The following HMCN2 variants were observed in gnomAD, a reference collection of about 807,000 sequenced individuals.
The protein encoded by HMCN2 is hemicentin 2.
HMCN2 carries 325 observed loss-of-function variants against 377.5 expected under a neutral mutation model. The ratio of observed to expected loss-of-function variants is 0.86; its 90% CI spans 0.79 to 0.94. The LOEUF is 0.94. Ranked by LOEUF, HMCN2 falls within the 40% of genes least tolerant of loss-of-function variation. The pLI is 0.00. For missense variants in HMCN2, 4,543 were observed against 4,725.3 expected, an observed-to-expected ratio of 0.96 and a Z score of 1.13; for synonymous variants, 2,007 against 2,046.8, an observed-to-expected ratio of 0.98 and a Z score of 0.53.
At chr9:130,310,942 A>T (rs1028900702) in intron 15 of HMCN2, among the ~76,000 whole-genome samples, 2 of 152,186 alleles carry the variant, frequency 1.3e-5, no homozygotes, top group African/African-American at 4.8e-5. Context: ...GGTTGGGCCC[A>T]TAGTGATTGC....
Position 130,331,156 on chromosome 9 carries a change from TAA to T in HMCN2, c.3359+3695_3359+3696del, listed in dbSNP as rs878935592. On this transcript the variant is annotated intron_variant, in intron 22 of 97. Coordinates refer to ENST00000683500, the MANE Select transcript of HMCN2 (RefSeq NM_001291815.2). ...CTTGCAACAGAGCAAGACTCTGTCT[TAA>T]AAAAAAAAAAAAAGGACAAAGTAAC... Among the ~76,000 whole-genome samples the T allele has an allele frequency of 6.2e-3, 859 of 139,208 alleles. 12 individuals carry two copies. Among genetic ancestry groups the T allele is most frequent in the African/African-American group, 0.021 (779 of 37,868 alleles). 91.3% of individuals were successfully genotyped at this position (139,208 alleles called of 152,430 possible). A position where few individuals can be genotyped will look rare whatever the true frequency, so the allele number is the denominator to read the frequency against.
intron 54 of HMCN2, among the ~76,000 whole-genome samples, 164 bp from the exon 55 acceptor site, chr9:130,382,020 C>T (rs1841749270): frequency 1.3e-5 from 2 of 152,128 alleles, no homozygotes; most frequent in African/African-American, 2.4e-5. Flanking sequence ...GACTTGACTC[C>T]ACTCCACCCG....
intron 94 of HMCN2, 47 bp downstream of exon 94, chr9:130,429,732 G>A: frequency 7.7e-7 from 1 of 1,296,350 alleles, no homozygotes; most frequent in Non-Finnish European, 1.0e-6. Flanking sequence ...GCTGCCCCAG[G>A]GGTTACCGGA....
At chr9:130,274,106 G>T (rs1834548256) in intron 1 of HMCN2, among the ~76,000 whole-genome samples, 1 of 150,884 alleles carries the variant, frequency 6.6e-6, no homozygotes, top group African/African-American at 2.4e-5. Flanking sequence ...AGGCTGGAGT[G>T]CAGTGGTGTG....
chr9:130,318,971 C>T (rs1054867465), intron 15 of HMCN2, among the ~76,000 whole-genome samples: 33 of 152,324 alleles, frequency 2.2e-4, no homozygotes, highest in African/African-American at 7.5e-4. Context: ...CGCCAGGCCC[C>T]CCAGGCCATG....
chr9:130,321,553 G>A (rs1666627274), intron 18 of HMCN2, among the ~76,000 whole-genome samples: 1 of 152,174 alleles, frequency 6.6e-6, no homozygotes, highest in East Asian at 1.9e-4. Flanking sequence ...CGAGGGAGAG[G>A]TGGGGTCAGG....
chr9:130,283,869 A>G (rs1554926614), intron 1 of HMCN2, among the ~76,000 whole-genome samples: 1 of 151,514 alleles, frequency 6.6e-6, no homozygotes. Flanking sequence ...TACAGCTGCT[A>G]TGAACCTTTG....
intron 85 of HMCN2, 33 bp from the exon 86 acceptor site, chr9:130,418,739 A>T: frequency 7.2e-7 from 1 of 1,385,716 alleles, no homozygotes; most frequent in South Asian, 2.0e-5. Context: ...AAAATAATTA[A>T]ATGTTCCTAA....
chr9:130,284,488 T>G (rs753023653), intron 1 of HMCN2, 115 bp from the exon 2 acceptor site: 121 of 429,734 alleles, frequency 2.8e-4, no homozygotes, highest in Non-Finnish European at 5.5e-4. Flanking sequence ...CCCCGTCTTG[T>G]GTGCCAGCCT....
In HMCN2 at chr9:130,384,712, C is replaced by T. The variant is rs934847736; in HGVS notation, c.9020C>T (p.Ala3007Val). The T allele has an allele frequency of 7.7e-7, 1 of 1,302,326 alleles. No homozygotes were observed. Among genetic ancestry groups the T allele is most frequent in the African/African-American group, 1.5e-5 (1 of 65,842 alleles). The allele number at this position is 1,302,326 out of a possible 1,614,324, so 80.7% of individuals were successfully genotyped here. A position where few individuals can be genotyped will look rare whatever the true frequency, so the allele number is the denominator to read the frequency against. ...ACCCACACGCTGCAGCTGGGGAGAG[C>T]ACGGCTGTCGGACTCCGGGATGTAC... Reference protein sequence around the residue: ...PGTHTLQLGRARLSDSGMYTC... With the variant: ...PGTHTLQLGRVRLSDSGMYTC... The change falls in exon 59 of 98, where the codon GCA becomes GTA. Residue 3007 changes from alanine (A) to valine (V), a missense_variant. Around this residue, in one of 5 missense-constraint regions of HMCN2, gnomAD observed 736 missense variants for 773.2 expected, o/e 0.95. Transcript: ENST00000683500.
At chr9:130,417,736 T>C (rs1165393981) in intron 85 of HMCN2, among the ~76,000 whole-genome samples, 1 of 152,154 alleles carries the variant, frequency 6.6e-6, no homozygotes, top group Non-Finnish European at 1.5e-5. Context: ...CACCTTAACT[T>C]TGGCCCAGTG....
At chr9:130,404,466 T>C (rs897154270) in intron 80 of HMCN2, among the ~76,000 whole-genome samples, 1 of 152,184 alleles carries the variant, frequency 6.6e-6, no homozygotes, top group Non-Finnish European at 1.5e-5. Context: ...ACCAAGCCAG[T>C]GACCCTCACT....
At position 130,360,577 on chromosome 9, in the gene HMCN2, G is replaced by A. The variant is rs1588308399; in HGVS notation, c.5923G>A (p.Glu1975Lys). The A allele has an allele frequency of 7.7e-7, 1 of 1,303,456 alleles. No homozygotes were observed. Among genetic ancestry groups the A allele is most frequent in the East Asian group, 5.6e-5 (1 of 18,008 alleles). 80.7% of individuals were successfully genotyped at this position (1,303,456 alleles called of 1,614,324 possible). A position where few individuals can be genotyped will look rare whatever the true frequency, so the allele number is the denominator to read the frequency against. Residue 1975 changes from glutamate (E) to lysine (K), a missense_variant, in exon 38 of 98, where the codon GAG becomes AAG. This residue lies in a region of HMCN2 where 1,032 missense variants were observed against 1,285.1 expected (regional missense o/e 0.80). Coordinates refer to ENST00000683500, the MANE Select transcript of HMCN2 (RefSeq NM_001291815.2). The surrounding 1 kb of genome is among the most constrained non-coding windows in gnomAD (Gnocchi z 4.7). The part of the protein sequence containing the change: ...CVASNVAGST[E>K]LRYGLRVNVP... ...GGCATCCAATGTGGCAGGTAGCACAGAGCTGCGGTATGGCCTACGGGTCAA... is the reference window on the plus strand; with the variant it reads ...GGCATCCAATGTGGCAGGTAGCACAAAGCTGCGGTATGGCCTACGGGTCAA...
At position 130,408,744 on chromosome 9, in the gene HMCN2, G is replaced by C. The variant is rs1843242260; in HGVS notation, c.12690G>C (p.Glu4230Asp). 62 of 1,287,536 alleles carry C rather than the reference G, an allele frequency of 4.8e-5. No homozygotes were observed. The highest frequency in any genetic ancestry group is 6.2e-5 in the Non-Finnish European group (61 of 987,414). The allele number at this position is 1,287,536 out of a possible 1,614,324, so 79.8% of individuals were successfully genotyped here. The change falls in exon 84 of 98, where the codon GAG (glutamate) becomes GAC (aspartate). Residue 4230 changes from glutamate to aspartate, a missense_variant and splice_region_variant. By Grantham distance (45) the Glu-to-Asp change is conservative (BLOSUM62 2). Around this residue, in one of 5 missense-constraint regions of HMCN2, gnomAD observed 1,073 missense variants for 1,319.5 expected, o/e 0.81. Coordinates refer to ENST00000683500, the MANE Select transcript of HMCN2 (RefSeq NM_001291815.2). The stretch of plus-strand genomic sequence containing the variant: ...CTTGCTCGATGTCACCCCATGCAGA[G>C]GCTCCTGTCCTACAAGGGGAGGCTT... ...TQAVSFVHVKEAPVLQGEAFS... is the reference protein window; with the variant it reads ...TQAVSFVHVKDAPVLQGEAFS...
chr9:130,389,722 G>A (rs990989576), intron 62 of HMCN2, among the ~76,000 whole-genome samples: 3 of 151,814 alleles, frequency 2.0e-5, no homozygotes, highest in East Asian at 1.9e-4. Context: ...TTACAGGCTC[G>A]CACCACCACG....
intron 74 of HMCN2, among the ~76,000 whole-genome samples, chr9:130,398,153 C>CAAAAAAAAAAAAA (rs397940740): frequency 1.2e-4 from 4 of 33,936 alleles, no homozygotes; most frequent in Non-Finnish European, 1.7e-4. Context: ...ACTCCGTCTA[C>CAAAAAAAAAAAAA]AAAAAAAAAA....
chr9:130,351,440 G>A lies in HMCN2; in HGVS notation c.4448G>A (p.Gly1483Asp), dbSNP rs1387053783. Reference protein sequence around the residue: ...TKDRQPVLPGGPHLQVQEDGQ... With the variant: ...TKDRQPVLPGDPHLQVQEDGQ... Reference sequence around the variant, plus strand: ...CTCTCCAGGCCTGTCCTTCCGGGAGGCCCTCACCTGCAGGTCCAGGAGGAT... The same window carrying A: ...CTCTCCAGGCCTGTCCTTCCGGGAGACCCTCACCTGCAGGTCCAGGAGGAT... The change falls in exon 30 of 98, where the codon GGC (glycine) becomes GAC (aspartate). Residue 1483 changes from glycine (G) to aspartate (D), a missense_variant. By Grantham distance (94) the Gly-to-Asp change is moderately conservative. Transcript: ENST00000683500. This position sits in a 1 kb window ranked among gnomAD's most constrained non-coding sequence, Gnocchi z 5.4. The A allele has an allele frequency of 3.8e-6, 5 of 1,304,152 alleles. No individual in the cohort carries two copies. In the East Asian group the frequency reaches 2.2e-4, roughly 58 times the overall value. The allele number at this position is 1,304,152 out of a possible 1,614,324, so 80.8% of individuals were successfully genotyped here. A position where few individuals can be genotyped will look rare whatever the true frequency, so the allele number is the denominator to read the frequency against.
Position 130,395,128 on chromosome 9 carries a change from T to C in HMCN2, c.10774+20T>C, listed in dbSNP as rs1037409260. The stretch of plus-strand genomic sequence containing the variant: ...TTCAAGGTAGGTGGTGGGGGTGGGG[T>C]GGGGGCAGGGCCGGGAGGCAGGACG... On this transcript the variant is annotated intron_variant, in intron 70 of 97. Coordinates refer to ENST00000683500, the MANE Select transcript of HMCN2 (RefSeq NM_001291815.2). 2.7e-5 allele frequency: 2 copies of C among 74,126 alleles called. No homozygotes were observed. Among genetic ancestry groups the C allele is most frequent in the South Asian group, 2.3e-4 (1 of 4,274 alleles). The allele number at this position is 74,126 out of a possible 1,614,324, so 4.6% of individuals were successfully genotyped here.
At chr9:130,302,330 G>A (rs1471161613) in intron 8 of HMCN2, among the ~76,000 whole-genome samples, 1 of 152,214 alleles carries the variant, frequency 6.6e-6, no homozygotes, top group African/African-American at 2.4e-5. Context: ...ACAGGCGTGA[G>A]CCATCGCGCC....
Sources: allele counts gnomAD v4.1 joint callset (sites outside exome capture counted in the v4.1 genomes callset), GRCh38; gene constraint gnomAD v4.1.1; regional missense constraint gnomAD v4.1.1; non-coding constraint Gnocchi (gnomAD v3.1); transcripts MANE v1.5; gene names NCBI Gene and HGNC (gene_info 2026-07-23, HGNC 2026-07-21).